Variants in PLSCR2 observed in about 807,000 individuals in gnomAD.
PLSCR2 encodes PL scramblase 2.
PLSCR2 carries 18 observed loss-of-function variants against 25.3 expected under a neutral mutation model. That is an observed-to-expected ratio of 0.71 (90% CI 0.49 to 1.06). The LOEUF (loss-of-function observed/expected upper bound fraction) is 1.06. Among genes scored for constraint, PLSCR2 ranks in the 50% least tolerant of loss-of-function variants. The pLI, the probability that PLSCR2 is intolerant of heterozygous loss-of-function variation, is 0.00. For synonymous variants in PLSCR2, 88 were observed against 87.3 expected (o/e 1.01, Z -0.04); for missense variants, 243 against 269.5 (o/e 0.90, Z 0.69).
downstream of PLSCR2, among the ~76,000 whole-genome samples, chr3:146,429,161 C>T (rs571930572): frequency 6.6e-6 from 1 of 152,298 alleles, no homozygotes; most frequent in African/African-American, 2.4e-5. Flanking sequence ...AGCATAGTGC[C>T]AGCATCTGCT....
At chr3:146,470,768 A>G (rs139487083) in intron 1 of PLSCR2, among the ~76,000 whole-genome samples, 211 of 152,242 alleles carry the variant, frequency 1.4e-3, no homozygotes, top group African/African-American at 4.7e-3. Flanking sequence ...TAAGATAGAA[A>G]AAGGAAGAAG....
intron 1 of PLSCR2, among the ~76,000 whole-genome samples, chr3:146,494,365 T>C (rs1200021332): frequency 1.3e-5 from 2 of 152,188 alleles, no homozygotes; most frequent in Admixed American, 6.5e-5. Flanking sequence ...ATCCCAGATA[T>C]GTATGTATTT....
intron 2 of PLSCR2, among the ~76,000 whole-genome samples, chr3:146,422,271 C>T (rs566067750): frequency 3.4e-4 from 51 of 152,158 alleles, no homozygotes; most frequent in Admixed American, 1.9e-3. Context: ...ATTCAAGTCT[C>T]CAGGGTGATA....
At chr3:146,461,701 A>C, upstream of PLSCR2, 1 of 564,084 alleles carries the variant, frequency 1.8e-6, no homozygotes, top group Non-Finnish European at 3.1e-6. Context: ...GGAATTTAGC[A>C]TGTTCGTGAG....
Position 146,470,579 on chromosome 3 carries a change from A to T in PLSCR2, c.-292-10295T>A, listed in dbSNP as rs1042285979. ...CAAACAAAAACACATGATCTTCCAA[A>T]CAATAACACCATATATGGAGAAAAA... On this transcript the variant is annotated intron_variant, in intron 1 of 8. Coordinates refer to the PLSCR2 transcript ENST00000336685. Among the ~76,000 whole-genome samples the T allele has an allele frequency of 3.9e-5, 6 of 152,112 alleles. No individual in the cohort carries two copies. The South Asian group carries it at 1.2e-3, about 31-fold the overall frequency.
At position 146,458,365 on chromosome 3, in the gene PLSCR2, A is replaced by G. The variant is rs777188416; in HGVS notation, c.100+46T>C. On this transcript the variant is annotated intron_variant, in intron 3 of 6. Transcript: ENST00000610787. ...TTTTTGATGTATCTTTATTTGCATAAACTTCTTCTCTTTTTAGAACTATGA... is the reference window on the plus strand; with the variant it reads ...TTTTTGATGTATCTTTATTTGCATAGACTTCTTCTCTTTTTAGAACTATGA... 87 of 1,437,914 alleles carry G rather than the reference A, an allele frequency of 6.1e-5. 1 individual carries two copies. The South Asian group carries it at 6.5e-4, about 11-fold the overall frequency. The allele number at this position is 1,437,914 out of a possible 1,614,324, so 89.1% of individuals were successfully genotyped here.
chr3:146,457,423 T>C (rs994716842), intron 3 of PLSCR2, among the ~76,000 whole-genome samples: 8 of 152,204 alleles, frequency 5.3e-5, no homozygotes, highest in Non-Finnish European at 1.0e-4. Context: ...GCACTGGACC[T>C]AAGAACATAA....
At chr3:146,453,165 T>C (rs1393548250) in intron 5 of PLSCR2, among the ~76,000 whole-genome samples, 2 of 152,078 alleles carry the variant, frequency 1.3e-5, no homozygotes, top group African/African-American at 4.8e-5. Context: ...TGCAACAGAA[T>C]GAAACTGGAT....
At chr3:146,463,673 C>T (rs73865730), upstream of PLSCR2, among the ~76,000 whole-genome samples, 79 of 152,200 alleles carry the variant, frequency 5.2e-4, no homozygotes, top group African/African-American at 1.8e-3. Context: ...GACCCATGCA[C>T]GCTAATACAA....
intron 1 of PLSCR2, among the ~76,000 whole-genome samples, chr3:146,483,640 A>T (rs2043239542): frequency 6.6e-6 from 1 of 151,092 alleles, no homozygotes; most frequent in Admixed American, 6.6e-5. Context: ...GGAGGAACCC[A>T]GGTGAATAGG....
At chr3:146,488,682 C>A (rs561209531) in intron 1 of PLSCR2, among the ~76,000 whole-genome samples, 1 of 151,670 alleles carries the variant, frequency 6.6e-6, no homozygotes, top group Non-Finnish European at 1.5e-5. Context: ...TGGATGCTGG[C>A]GAGGCTGTGG....
exon 4 of PLSCR2, chr3:146,455,389 T>C (rs1226274939): frequency 6.2e-7 from 1 of 1,613,648 alleles, no homozygotes; most frequent in Non-Finnish European, 8.5e-7. Context: ...TATCTTCTGC[T>C]GCAAAATAAA....
At chr3:146,486,772 A>T (rs2043360531) in intron 1 of PLSCR2, among the ~76,000 whole-genome samples, 1 of 152,186 alleles carries the variant, frequency 6.6e-6, no homozygotes, top group Admixed American at 6.5e-5. Flanking sequence ...TTCTGAAACT[A>T]TTCCAAACAA....
downstream of PLSCR2, among the ~76,000 whole-genome samples, chr3:146,438,417 T>C (rs1265226612): frequency 1.3e-5 from 2 of 152,274 alleles, no homozygotes; most frequent in African/African-American, 2.4e-5. Flanking sequence ...CTAAGTCTCT[T>C]TGTAGGTCTC....
chr3:146,441,943 A>G (rs2040266719), intron 6 of PLSCR2, 122 bp from the exon 7 acceptor site: 1 of 600,062 alleles, frequency 1.7e-6, no homozygotes, highest in East Asian at 3.1e-5. Flanking sequence ...AATTAACTAT[A>G]ATAAGTAATG....
At chr3:146,490,049 C>A (rs2043489971) in intron 1 of PLSCR2, among the ~76,000 whole-genome samples, 1 of 152,060 alleles carries the variant, frequency 6.6e-6, no homozygotes, top group Non-Finnish European at 1.5e-5. Flanking sequence ...AGTCCCAGAT[C>A]TTTTCATGTA....
intron 2 of PLSCR2, among the ~76,000 whole-genome samples, chr3:146,407,526 C>G (rs573166079): frequency 3.3e-5 from 5 of 152,136 alleles, no homozygotes; most frequent in Non-Finnish European, 7.3e-5. Context: ...TTGGCATTCA[C>G]CTGGGTGCAG....
intron 2 of PLSCR2, among the ~76,000 whole-genome samples, chr3:146,423,234 CCTCTCT>C (rs200145864): frequency 0.049 from 2,634 of 53,402 alleles, 102 homozygotes; most frequent in African/African-American, 0.14. Context: ...CCTTGCAGTG[CCTCTCT>C]CTCTCTCTCT....
intron 1 of PLSCR2, among the ~76,000 whole-genome samples, chr3:146,491,560 A>G (rs751737895): frequency 2.0e-5 from 3 of 152,124 alleles, no homozygotes; most frequent in African/African-American, 2.4e-5. Flanking sequence ...TTAAAAAAAT[A>G]TTAAATTTTG....
Sources: gnomAD v4.1 joint callset for allele counts (sites outside exome capture counted in the v4.1 genomes callset) on GRCh38, gnomAD v4.1.1 for gene constraint, MANE v1.5 for transcripts, NCBI Gene and HGNC (gene_info 2026-07-23, HGNC 2026-07-21) for gene names.